The following SPAG16 variants were observed in gnomAD, a reference collection of about 807,000 sequenced individuals.
SPAG16 encodes sperm-associated antigen 16 protein.
A neutral mutation model predicts 80.4 loss-of-function variants in SPAG16; 86 were observed. The ratio of observed to expected loss-of-function variants is 1.07; its 90% CI spans 0.90 to 1.28. The LOEUF (loss-of-function observed/expected upper bound fraction) is 1.28. Ranked by LOEUF, SPAG16 falls within the 50% of genes most tolerant of loss-of-function variation. The pLI is 0.00. For synonymous variants in SPAG16, 294 were observed against 265.9 expected (o/e 1.11, Z -1.03); for missense variants, 870 against 765.3 (o/e 1.14, Z -1.61).
intron 10 of SPAG16, among the ~76,000 whole-genome samples, chr2:213,753,383 C>T (rs2068174023): frequency 6.6e-6 from 1 of 152,174 alleles, no homozygotes; most frequent in Non-Finnish European, 1.5e-5. Flanking sequence ...TTTGACACTG[C>T]TGAGAAATCA....
rs960975419 is a variant in SPAG16, at chr2:213,540,380, C to G, written c.1070+50290C>G. Among the ~76,000 whole-genome samples, 13 of 151,998 alleles carry G rather than the reference C, an allele frequency of 8.6e-5. 1 individual carries two copies. The highest frequency in any genetic ancestry group is 2.9e-5 in the Non-Finnish European group (2 of 67,986). The stretch of plus-strand genomic sequence containing the variant: ...ACAATCATTGTATTTCTAACTGAAT[C>G]TTTATATTACACAAAGTCTGAAGTT... On this transcript the variant is annotated intron_variant, in intron 10 of 15. Coordinates refer to ENST00000331683, the MANE Select transcript of SPAG16 (RefSeq NM_024532.5).
intron 13 of SPAG16, among the ~76,000 whole-genome samples, chr2:214,029,902 C>G (rs1341487523): frequency 6.6e-6 from 1 of 152,054 alleles, no homozygotes; most frequent in Non-Finnish European, 1.5e-5. Flanking sequence ...ATGCATAAAC[C>G]TATGCATAAT....
chr2:213,872,396 A>G (rs538089076), intron 11 of SPAG16, among the ~76,000 whole-genome samples: 9 of 152,114 alleles, frequency 5.9e-5, no homozygotes, highest in Non-Finnish European at 1.3e-4. Flanking sequence ...CAAATACACT[A>G]TTCTTCCACA....
intron 10 of SPAG16, among the ~76,000 whole-genome samples, chr2:213,780,348 C>T (rs779579612): frequency 8.5e-5 from 13 of 152,202 alleles, no homozygotes; most frequent in Non-Finnish European, 1.6e-4. Flanking sequence ...CTTTCTGATT[C>T]CAGGTCTCTT....
chr2:213,597,505 C>T (rs2060922742), intron 10 of SPAG16, among the ~76,000 whole-genome samples: 1 of 152,076 alleles, frequency 6.6e-6, no homozygotes. Context: ...AAATAAAACA[C>T]ACATCCAGTA....
chr2:213,298,443 T>C (rs909739532), intron 3 of SPAG16, among the ~76,000 whole-genome samples: 3 of 152,226 alleles, frequency 2.0e-5, no homozygotes, highest in Admixed American at 6.5e-5. Context: ...TTGCTTTACA[T>C]CACTAAGGAT....
chr2:213,505,323 TTTTG>T (rs1012515772), intron 10 of SPAG16, among the ~76,000 whole-genome samples: 3 of 152,084 alleles, frequency 2.0e-5, no homozygotes, highest in African/African-American at 7.2e-5. Flanking sequence ...CCTTTTTTGG[TTTTG>T]TTTTTCTTTT....
At chr2:214,162,579 T>C (rs2056483902) in intron 15 of SPAG16, among the ~76,000 whole-genome samples, 1 of 152,100 alleles carries the variant, frequency 6.6e-6, no homozygotes, top group Admixed American at 6.6e-5. Context: ...TTGAAACTTG[T>C]CTCGTTGATT....
intron 14 of SPAG16, among the ~76,000 whole-genome samples, chr2:214,109,124 G>A (rs1373632723): frequency 1.3e-5 from 2 of 152,096 alleles, no homozygotes; most frequent in Admixed American, 6.5e-5. Flanking sequence ...CAGCACAAAG[G>A]CCTTCATGAA....
chr2:213,572,214 G>A (rs1301438977), intron 10 of SPAG16, among the ~76,000 whole-genome samples: 4 of 85,178 alleles, frequency 4.7e-5, no homozygotes, highest in South Asian at 4.6e-4. Flanking sequence ...TAATTTGATC[G>A]TCTGAAGCCT....
chr2:214,009,881 G>A (rs747190903), intron 12 of SPAG16, among the ~76,000 whole-genome samples: 18 of 151,532 alleles, frequency 1.2e-4, no homozygotes, highest in Middle Eastern at 3.4e-3. Context: ...AGCTGTCCTC[G>A]TAAGTCATAA....
At chr2:213,945,809 C>T (rs907959473) in intron 12 of SPAG16, among the ~76,000 whole-genome samples, 2 of 152,164 alleles carry the variant, frequency 1.3e-5, no homozygotes, top group African/African-American at 2.4e-5. Flanking sequence ...ATTTCCCAGC[C>T]TCCAGAACTG....
intron 12 of SPAG16, among the ~76,000 whole-genome samples, chr2:213,998,751 G>A (rs888250955): frequency 1.3e-5 from 2 of 152,160 alleles, no homozygotes; most frequent in South Asian, 4.1e-4. Flanking sequence ...ATAGTGATAT[G>A]GACACTAAGG....
intron 10 of SPAG16, among the ~76,000 whole-genome samples, chr2:213,524,571 G>T (rs2075812064): frequency 6.6e-6 from 1 of 152,214 alleles, no homozygotes; most frequent in Non-Finnish European, 1.5e-5. Flanking sequence ...AGCTGCCCAA[G>T]GCCATGGGAG....
chr2:214,251,283 A>C (rs959109510), intron 15 of SPAG16, among the ~76,000 whole-genome samples: 6 of 152,008 alleles, frequency 3.9e-5, no homozygotes, highest in Non-Finnish European at 8.8e-5. Context: ...GAAAGAAAAA[A>C]AAAAAGTCAC....
At chr2:214,382,724 C>T (rs892719438) in intron 15 of SPAG16, among the ~76,000 whole-genome samples, 4 of 152,162 alleles carry the variant, frequency 2.6e-5, no homozygotes, top group Non-Finnish European at 5.9e-5. Flanking sequence ...GCATTGCTTT[C>T]ATGTCCCTTT....
chr2:214,036,155 G>C (rs1013737066), intron 13 of SPAG16, among the ~76,000 whole-genome samples: 3 of 151,610 alleles, frequency 2.0e-5, no homozygotes, highest in Non-Finnish European at 2.9e-5. Flanking sequence ...TTTCTATTTT[G>C]TACAATAGGT....
intron 15 of SPAG16, among the ~76,000 whole-genome samples, chr2:214,372,180 T>G (rs1699865889): frequency 6.6e-6 from 1 of 152,120 alleles, no homozygotes; most frequent in Non-Finnish European, 1.5e-5. Flanking sequence ...AGATTTGATG[T>G]TCAAGAATCA....
chr2:214,112,529 CTCT>C (rs2053719347), intron 14 of SPAG16, among the ~76,000 whole-genome samples: 1 of 151,828 alleles, frequency 6.6e-6, no homozygotes, highest in African/African-American at 2.4e-5. Context: ...GGATAGTTAG[CTCT>C]TCTTGTTTAA....
Sources: allele counts gnomAD v4.1 joint callset (sites outside exome capture counted in the v4.1 genomes callset), GRCh38; gene constraint gnomAD v4.1.1; transcripts MANE v1.5; gene names NCBI Gene and HGNC (gene_info 2026-07-23, HGNC 2026-07-21).